The following TMEM248 variants were observed in gnomAD, a reference collection of about 807,000 sequenced individuals.
TMEM248 encodes the protein transmembrane protein 248, also known as UPF0458 protein C7orf42.
A neutral mutation model predicts 30.3 loss-of-function variants in TMEM248; 9 were observed. The observed-to-expected ratio is 0.30, with a 90% CI of 0.18 to 0.52. The LOEUF is 0.52. TMEM248 is among the 20% of genes least tolerant of loss of function. The pLI, the probability that TMEM248 is intolerant of heterozygous loss-of-function variation, is 0.97. For synonymous variants in TMEM248, 184 were observed against 154.4 expected (o/e 1.19, Z -1.42); for missense variants, 338 against 403.3 (o/e 0.84, Z 1.39).
At chr7:66,940,201 G>T (rs1002047095) in intron 1 of TMEM248, among the ~76,000 whole-genome samples, 19 of 152,028 alleles carry the variant, frequency 1.2e-4, no homozygotes, top group African/African-American at 4.4e-4. Flanking sequence ...TGATCCACCC[G>T]CCTCGGCCTC....
chr7:66,940,215 A>G (rs781156249), intron 1 of TMEM248, among the ~76,000 whole-genome samples: 46 of 152,134 alleles, frequency 3.0e-4, no homozygotes, highest in Non-Finnish European at 7.3e-5. Context: ...CGGCCTCCCA[A>G]AGTGCTGGGA....
chr7:66,946,796 T>C (rs1792120354), intron 3 of TMEM248, among the ~76,000 whole-genome samples: 1 of 152,112 alleles, frequency 6.6e-6, no homozygotes, highest in Admixed American at 6.5e-5. Flanking sequence ...CATGACAGAC[T>C]GTAAGTGTTG....
chr7:66,926,083 G>A (rs749450478), intron 1 of TMEM248, among the ~76,000 whole-genome samples: 9 of 152,204 alleles, frequency 5.9e-5, no homozygotes, highest in East Asian at 1.9e-4. Context: ...CCTGACAGGC[G>A]CGAGATGATA....
chr7:66,953,173 C>T, intron 5 of TMEM248, 53 bp from the exon 6 acceptor site: 1 of 1,592,680 alleles, frequency 6.3e-7, no homozygotes, highest in African/African-American at 1.3e-5. Context: ...GCATTAAAAC[C>T]TTTCAGTCAC....
chr7:66,938,880 G>A (rs1053319597), intron 1 of TMEM248, among the ~76,000 whole-genome samples: 2 of 152,142 alleles, frequency 1.3e-5, no homozygotes, highest in South Asian at 2.1e-4. Flanking sequence ...TTAATTATAC[G>A]TAACATATAA....
At chr7:66,951,483 A>T (rs962911586) in intron 5 of TMEM248, 3 of 194,412 alleles carry the variant, frequency 1.5e-5, no homozygotes, top group Non-Finnish European at 3.1e-5. Context: ...CTATCTAGTT[A>T]GTGTCCGTGT....
intron 1 of TMEM248, among the ~76,000 whole-genome samples, chr7:66,931,289 C>T (rs1012566968): frequency 5.3e-5 from 3 of 56,774 alleles, no homozygotes; most frequent in Non-Finnish European, 9.5e-5. Flanking sequence ...CAGTGCGAGA[C>T]AATATCTCAA....
intron 4 of TMEM248, 125 bp downstream of exon 4, chr7:66,948,819 A>T: frequency 9.9e-7 from 1 of 1,014,998 alleles, no homozygotes; most frequent in Non-Finnish European, 1.4e-6. Flanking sequence ...AATTATCTCT[A>T]CTCGGACCTA....
intron 1 of TMEM248, among the ~76,000 whole-genome samples, chr7:66,928,033 G>A (rs2129220679): frequency 6.6e-6 from 1 of 152,262 alleles, no homozygotes; most frequent in South Asian, 2.1e-4. Flanking sequence ...TGACCAGCTT[G>A]GTGAAACCCT....
At chr7:66,932,997 T>C (rs1285976196) in intron 1 of TMEM248, among the ~76,000 whole-genome samples, 1 of 151,984 alleles carries the variant, frequency 6.6e-6, no homozygotes, top group Non-Finnish European at 1.5e-5. Flanking sequence ...TAGGTGGGAC[T>C]ACAACCACGC....
chr7:66,946,554 T>C (rs1792112207), intron 3 of TMEM248, among the ~76,000 whole-genome samples: 1 of 151,590 alleles, frequency 6.6e-6, no homozygotes, highest in Non-Finnish European at 1.5e-5. Context: ...CACTCCAGTC[T>C]AGGCAACAGA....
At position 66,941,851 on chromosome 7, in the gene TMEM248, G is replaced by A. The variant is rs756219798; in HGVS notation, c.-15G>A. ...GCTTCTGATTCATTTCTTTCAGGTG[G>A]AGCTGATCAGAATAATGTTCAGCAT... On this transcript the variant is annotated 5_prime_UTR_variant, in exon 2 of 7. Transcript: ENST00000341567. 1.9e-6 allele frequency: 3 copies of A among 1,606,700 alleles called. No homozygotes were observed. Among genetic ancestry groups the A allele is most frequent in the Non-Finnish European group, 1.7e-6 (2 of 1,175,690 alleles).
intron 1 of TMEM248, 121 bp from the exon 2 acceptor site, chr7:66,941,727 A>C (rs1199147031): frequency 5.6e-6 from 4 of 720,194 alleles, no homozygotes; most frequent in Non-Finnish European, 8.9e-6. Flanking sequence ...ACATTTCTCA[A>C]ATTCAGTAAT....
At position 66,955,851 on chromosome 7, in the gene TMEM248, G is replaced by A; in HGVS notation, c.*329G>A. 3.2e-6 allele frequency: 1 copy of A among 314,924 alleles called. No homozygotes were observed. Among genetic ancestry groups the A allele is most frequent in the South Asian group, 7.8e-5 (1 of 12,858 alleles). The allele number at this position is 314,924 out of a possible 1,614,324, so 19.5% of individuals were successfully genotyped here. On this transcript the variant is annotated 3_prime_UTR_variant, in exon 7 of 7. Coordinates refer to ENST00000341567, the MANE Select transcript of TMEM248 (RefSeq NM_017994.5). Reference sequence around the variant, plus strand: ...CTGGTCACGACGATGTTTTCACCAAGGTCACAGGAGCATTGCGTCGCTGAT... The same window carrying A: ...CTGGTCACGACGATGTTTTCACCAAAGTCACAGGAGCATTGCGTCGCTGAT...
intron 1 of TMEM248, chr7:66,921,756 T>A (rs1791390753): frequency 6.6e-6 from 1 of 152,232 alleles, no homozygotes; most frequent in African/African-American, 2.4e-5. Context: ...AATTCGGATT[T>A]GGCACGGGAA....
chr7:66,933,731 C>T (rs1791727495), intron 1 of TMEM248, among the ~76,000 whole-genome samples: 1 of 152,164 alleles, frequency 6.6e-6, no homozygotes, highest in African/African-American at 2.4e-5. Flanking sequence ...CTGAGTTAGT[C>T]TCAGAGATCT....
rs140842093 is a variant in TMEM248, at chr7:66,928,332, G to GT, written c.-19+6882dup. ...TTTGTATATCTATGGCATGTGAGTT[G>GT]TTTTTTTTTTTCACTTTGGCATTTG... is the stretch of plus-strand genomic sequence containing the variant. On this transcript the variant is annotated intron_variant, in intron 1 of 6. Coordinates refer to ENST00000341567, the MANE Select transcript of TMEM248 (RefSeq NM_017994.5). Among the ~76,000 whole-genome samples, 435 of 144,378 alleles carry GT rather than the reference G, an allele frequency of 3.0e-3. No individual in the cohort carries two copies. In the Middle Eastern group the frequency reaches 0.032, roughly 11 times the overall value. 94.7% of individuals were successfully genotyped at this position (144,378 alleles called of 152,430 possible).
At chr7:66,939,348 C>A (rs1260531327) in intron 1 of TMEM248, among the ~76,000 whole-genome samples, 5 of 152,162 alleles carry the variant, frequency 3.3e-5, no homozygotes, top group Non-Finnish European at 1.5e-5. Context: ...TGGAATAACT[C>A]AACCACAGAA....
At chr7:66,936,236 G>A (rs1356326537) in intron 1 of TMEM248, among the ~76,000 whole-genome samples, 1 of 152,116 alleles carries the variant, frequency 6.6e-6, no homozygotes, top group Non-Finnish European at 1.5e-5. Context: ...ATCCTTCTAA[G>A]CCCAGTTTTT....
Sources: gnomAD v4.1 joint callset for allele counts (sites outside exome capture counted in the v4.1 genomes callset) on GRCh38, gnomAD v4.1.1 for gene constraint, MANE v1.5 for transcripts, NCBI Gene and HGNC (gene_info 2026-07-23, HGNC 2026-07-21) for gene names.